PLXNA4: variants seen among roughly 807,000 people sequenced by gnomAD.
PLXNA4 encodes plexin A4.
PLXNA4 carries 44 observed loss-of-function variants against 191.8 expected under a neutral mutation model. The observed-to-expected ratio is 0.23, with a 90% confidence interval of 0.18 to 0.29. The LOEUF is 0.29. Ranked by LOEUF, PLXNA4 falls within the 10% of genes least tolerant of loss-of-function variation. The pLI is 1.00. For missense variants in PLXNA4, 1,800 were observed against 2,488.8 expected, an observed-to-expected ratio of 0.72 and a Z score of 5.89; for synonymous variants, 1,082 against 1,009.5, an observed-to-expected ratio of 1.07 and a Z score of -1.36.
chr7:132,411,166 T>A (rs1794444299), intron 3 of PLXNA4, among the ~76,000 whole-genome samples: 2 of 152,206 alleles, frequency 1.3e-5, no homozygotes, highest in Non-Finnish European at 1.5e-5. Flanking sequence ...AACTTCTAAT[T>A]AATGAGTTGC....
chr7:132,241,626 T>G lies in PLXNA4; in HGVS notation c.1504-460A>C, dbSNP rs1203969765. Among the ~76,000 whole-genome samples, 3 of 152,226 alleles carry G rather than the reference T, an allele frequency of 2.0e-5. No individual in the cohort carries two copies. The East Asian group carries it at 5.8e-4, about 29-fold the overall frequency. ...TCCAGTCCTCCTTCAAGTTTCGTCA[T>G]TTTTGCTGCTCCAGAGAGCATTTAG... On this transcript the variant is annotated intron_variant, in intron 4 of 31. Transcript: ENST00000321063.
At chr7:132,279,547 G>A (rs1468911768) in intron 4 of PLXNA4, among the ~76,000 whole-genome samples, 1 of 152,018 alleles carries the variant, frequency 6.6e-6, no homozygotes, top group African/African-American at 2.4e-5. Context: ...AGGTGGGAGG[G>A]TTGCTTGAGC....
chr7:132,583,854 C>T (rs541859972), intron 2 of PLXNA4, among the ~76,000 whole-genome samples: 4 of 152,308 alleles, frequency 2.6e-5, no homozygotes, highest in African/African-American at 4.8e-5. Flanking sequence ...CAGGGACCCT[C>T]GAAGCCTGAA....
At chr7:132,432,809 C>T (rs1453493084) in intron 3 of PLXNA4, among the ~76,000 whole-genome samples, 1 of 152,144 alleles carries the variant, frequency 6.6e-6, no homozygotes, top group African/African-American at 2.4e-5. Flanking sequence ...ACAAAGCCCC[C>T]AAAAGTAAAG....
chr7:132,504,694 C>G (rs1408613581), intron 2 of PLXNA4, among the ~76,000 whole-genome samples: 1 of 152,206 alleles, frequency 6.6e-6, no homozygotes, highest in East Asian at 1.9e-4. Context: ...ACAGAAACAC[C>G]ACAGGACAGA....
intron 1 of PLXNA4, among the ~76,000 whole-genome samples, chr7:132,549,560 G>A (rs750023270): frequency 1.3e-5 from 2 of 152,134 alleles, no homozygotes; most frequent in African/African-American, 2.4e-5. Context: ...AACCATCAAT[G>A]CAGGAAAAAC....
chr7:132,209,089 A>G (rs1238345684), intron 10 of PLXNA4, among the ~76,000 whole-genome samples: 2 of 152,234 alleles, frequency 1.3e-5, no homozygotes, highest in Non-Finnish European at 2.9e-5. Context: ...CCAGGGCACA[A>G]GGGATCTTCT....
In PLXNA4 at chr7:132,401,788, G is replaced by A. The variant is rs1318606093; in HGVS notation, c.1371+87504C>T. ...TTCATAATAAACTGGCTCTATCCCTGTGCTTAGACGAGTGGATCTTTCAAA... is the reference window on the plus strand; with the variant it reads ...TTCATAATAAACTGGCTCTATCCCTATGCTTAGACGAGTGGATCTTTCAAA... On this transcript the variant is annotated intron_variant, in intron 3 of 31. Coordinates refer to ENST00000321063, the MANE Select transcript of PLXNA4 (RefSeq NM_020911.2). Among the ~76,000 whole-genome samples, 3 of 152,170 alleles carry A rather than the reference G, an allele frequency of 2.0e-5. No individual in the cohort carries two copies. In the East Asian group the frequency reaches 5.8e-4, roughly 29 times the overall value.
intron 3 of PLXNA4, among the ~76,000 whole-genome samples, chr7:132,332,897 G>A (rs1802650852): frequency 6.6e-6 from 1 of 151,284 alleles, no homozygotes; most frequent in Admixed American, 6.6e-5. Flanking sequence ...GGACATCCAT[G>A]TTTATAGACA....
At chr7:132,471,445 C>T (rs1172287258) in intron 3 of PLXNA4, among the ~76,000 whole-genome samples, 1 of 152,156 alleles carries the variant, frequency 6.6e-6, no homozygotes, top group Non-Finnish European at 1.5e-5. Flanking sequence ...AGGTGCCCCT[C>T]TTCCTTCATC....
In PLXNA4 at chr7:132,586,516, C is replaced by T. The variant is rs564131575; in HGVS notation, c.-87+59412G>A. ...CTATGATCCCAGAACTGTGGGAGGC[C>T]GAGGCAGGCAGATTTCTTGAGCTCA... On this transcript the variant is annotated intron_variant, in intron 2 of 4. Transcript: ENST00000378539. Among the ~76,000 whole-genome samples, 17 of 152,214 alleles carry T rather than the reference C, an allele frequency of 1.1e-4. No homozygotes were observed. In the East Asian group the frequency reaches 1.9e-3, roughly 17 times the overall value.
At chr7:132,180,368 G>A (rs1796664117) in intron 19 of PLXNA4, among the ~76,000 whole-genome samples, 1 of 152,174 alleles carries the variant, frequency 6.6e-6, no homozygotes, top group Admixed American at 6.5e-5. Flanking sequence ...ATGCTGTTTT[G>A]CATTTTCCTT....
Position 132,165,054 on chromosome 7 carries a change from C to A in PLXNA4, c.4353+80G>T. 2.6e-6 allele frequency: 4 copies of A among 1,546,282 alleles called. No individual in the cohort carries two copies. In the Middle Eastern group the frequency reaches 5.2e-4, roughly 203 times the overall value. On this transcript the variant is annotated intron_variant, in intron 23 of 31. Transcript: ENST00000321063. ...GAGCCAGGCCCAGTAAGGGAGGACT[C>A]GGGGGTGTGGAGCGATCCCCAGTCA...
chr7:132,645,106 C>T (rs1803841428), intron 2 of PLXNA4, among the ~76,000 whole-genome samples: 1 of 152,218 alleles, frequency 6.6e-6, no homozygotes, highest in Admixed American at 6.5e-5. Flanking sequence ...CCACCTGTTA[C>T]TAACGATGCC....
intron 4 of PLXNA4, among the ~76,000 whole-genome samples, chr7:132,266,990 A>G (rs932974781): frequency 2.0e-5 from 3 of 152,270 alleles, no homozygotes; most frequent in African/African-American, 7.2e-5. Context: ...TGCCATCATC[A>G]TCTAGCAGCA....
intron 1 of PLXNA4, among the ~76,000 whole-genome samples, chr7:132,566,380 C>T (rs1200318585): frequency 2.0e-5 from 3 of 152,126 alleles, no homozygotes; most frequent in African/African-American, 7.2e-5. Context: ...TGGGAAATGC[C>T]TAACTTCACT....
At chr7:132,606,802 AT>A (rs1272828392) in intron 2 of PLXNA4, among the ~76,000 whole-genome samples, 2 of 152,188 alleles carry the variant, frequency 1.3e-5, no homozygotes, top group Non-Finnish European at 2.9e-5. Context: ...ATGGCAAAAA[AT>A]TTCATTCATC....
chr7:132,582,243 C>T (rs1176211086), upstream of PLXNA4, among the ~76,000 whole-genome samples: 1 of 152,180 alleles, frequency 6.6e-6, no homozygotes, highest in Non-Finnish European at 1.5e-5. Flanking sequence ...CTGGGGTGCA[C>T]ATAACAGAAA....
intron 3 of PLXNA4, among the ~76,000 whole-genome samples, chr7:132,459,727 G>A (rs1796433008): frequency 3.3e-5 from 5 of 152,176 alleles, no homozygotes; most frequent in Admixed American, 2.0e-4. Context: ...TGGGGGCAGC[G>A]AGCCTGATCT....
Sources: allele counts gnomAD v4.1 joint callset (sites outside exome capture counted in the v4.1 genomes callset), GRCh38; gene constraint gnomAD v4.1.1; transcripts MANE v1.5; gene names NCBI Gene and HGNC (gene_info 2026-07-23, HGNC 2026-07-21).